Variants in SLC22A3 observed in about 807,000 individuals in gnomAD.
SLC22A3 encodes the protein solute carrier family 22 member 3.
SLC22A3 carries 51 observed loss-of-function variants against 59.1 expected under a neutral mutation model. That is an observed-to-expected ratio of 0.86 (90% confidence interval 0.69 to 1.09). The LOEUF (loss-of-function observed/expected upper bound fraction) is 1.09, where lower values mean the gene tolerates loss of function less well. Ranked by LOEUF, SLC22A3 falls within the 50% of genes least tolerant of loss-of-function variation. The pLI is 0.00. For synonymous variants in SLC22A3, 325 were observed against 292.0 expected, an observed-to-expected ratio of 1.11 and a Z score of -1.15; for missense variants, 711 against 726.3, an observed-to-expected ratio of 0.98 and a Z score of 0.24.
At position 160,436,755 on chromosome 6, in the gene SLC22A3, A is replaced by G. The variant is rs115325990; in HGVS notation, c.976-25A>G. 10,872 of 1,483,850 alleles carry G rather than the reference A, an allele frequency of 7.3e-3. 77 individuals carry two copies. Among genetic ancestry groups the G allele is most frequent in the Middle Eastern group, 0.034 (180 of 5,228 alleles). The allele number at this position is 1,483,850 out of a possible 1,614,324, so 91.9% of individuals were successfully genotyped here. A position where few individuals can be genotyped will look rare whatever the true frequency, so the allele number is the denominator to read the frequency against. On this transcript the variant is annotated intron_variant, in intron 5 of 10. Coordinates refer to ENST00000275300, the MANE Select transcript of SLC22A3 (RefSeq NM_021977.4). ...GTTTTTTTTTTTTCTGTCTATTGCT[A>G]CTGAAATCTGCTTTTCTTATATAGA...
intron 5 of SLC22A3, among the ~76,000 whole-genome samples, chr6:160,434,924 G>A (rs1220896642): frequency 6.6e-6 from 1 of 152,244 alleles, no homozygotes; most frequent in Non-Finnish European, 1.5e-5. Flanking sequence ...CCAAGCTCTA[G>A]TGAGGCAGCT....
At chr6:160,398,572 ACTAAAGGAGTTTTTTT>A (rs1786621813) in intron 2 of SLC22A3, among the ~76,000 whole-genome samples, 1 of 152,212 alleles carries the variant, frequency 6.6e-6, no homozygotes, top group African/African-American at 2.4e-5. Context: ...TCCAAAAACC[ACTAAAGGAGTTTTTTT>A]CTATTATTTT....
intron 1 of SLC22A3, among the ~76,000 whole-genome samples, chr6:160,376,006 A>G (rs1336785605): frequency 1.3e-5 from 2 of 152,212 alleles, no homozygotes; most frequent in Admixed American, 1.3e-4. Flanking sequence ...ACTTAATGAG[A>G]TGTAGAGAAA....
intron 7 of SLC22A3, among the ~76,000 whole-genome samples, chr6:160,440,828 C>T (rs1222129564): frequency 2.0e-5 from 3 of 152,062 alleles, no homozygotes; most frequent in Admixed American, 2.0e-4. Flanking sequence ...AGTTGGGAGT[C>T]TTTCAGATTA....
intron 8 of SLC22A3, 130 bp from the exon 9 acceptor site, chr6:160,443,500 C>A: frequency 1.4e-6 from 1 of 691,710 alleles, no homozygotes; most frequent in South Asian, 1.6e-5. Context: ...TGAGAGTAGT[C>A]GTTTTCAAAG....
intron 1 of SLC22A3, among the ~76,000 whole-genome samples, chr6:160,395,080 C>T (rs183101689): frequency 1.7e-4 from 26 of 152,292 alleles, no homozygotes; most frequent in Admixed American, 2.6e-4. Context: ...GCCCAGATGC[C>T]TATCATAAAG....
chr6:160,403,003 C>G (rs930802509), intron 2 of SLC22A3, among the ~76,000 whole-genome samples: 15 of 150,646 alleles, frequency 1.0e-4, no homozygotes, highest in African/African-American at 3.7e-4. Flanking sequence ...GCATATTAAA[C>G]CCAAGGCAAG....
Position 160,348,955 on chromosome 6 carries a change from C to T in SLC22A3, c.429+107C>T, listed in dbSNP as rs937396494. ...GGCCGCCAGGGGAGGTCGGTGGAGA[C>T]GGGGACCGGTCGGCTACCTCTGGGG... On this transcript the variant is annotated intron_variant, in intron 1 of 10. Transcript: ENST00000275300. The T allele has an allele frequency of 4.6e-6, 7 of 1,526,750 alleles. No homozygotes were observed. The African/African-American group carries it at 6.9e-5, about 15-fold the overall frequency. 94.6% of individuals were successfully genotyped at this position (1,526,750 alleles called of 1,614,324 possible). A position where few individuals can be genotyped will look rare whatever the true frequency, so the allele number is the denominator to read the frequency against.
chr6:160,424,717 G>A (rs937352239), intron 5 of SLC22A3, among the ~76,000 whole-genome samples: 2 of 152,266 alleles, frequency 1.3e-5, no homozygotes, highest in Non-Finnish European at 2.9e-5. Context: ...TGAGTACCAC[G>A]GTTCCCAGTT....
intron 4 of SLC22A3, 106 bp downstream of exon 4, chr6:160,409,027 T>C (rs1763188568): frequency 9.7e-7 from 1 of 1,027,998 alleles, no homozygotes. Context: ...TTTTTTTTTT[T>C]TTTTTTATTA....
At chr6:160,422,938 C>T (rs898053284) in intron 5 of SLC22A3, among the ~76,000 whole-genome samples, 3 of 151,976 alleles carry the variant, frequency 2.0e-5, no homozygotes, top group Admixed American at 6.6e-5. Context: ...CCCAGTAACT[C>T]GTCATTTACA....
In SLC22A3 at chr6:160,447,736, T is replaced by A. The variant is rs767604503; in HGVS notation, c.1528T>A (p.Cys510Ser). ...LIIFGILASI[C>S]GGLVMLLPET... The stretch of plus-strand genomic sequence containing the variant: ...TTCCATAGGTATCCTGGCATCCATC[T>A]GTGGTGGCCTTGTGATGCTTTTGCC... Residue 510 changes from cysteine (C) to serine (S), a missense_variant, in exon 10 of 11, where the codon TGT (cysteine) becomes AGT (serine). Cys to Ser is a moderately radical substitution (Grantham distance 112). Coordinates refer to ENST00000275300, the MANE Select transcript of SLC22A3 (RefSeq NM_021977.4). The A allele has an allele frequency of 2.5e-6, 4 of 1,614,104 alleles. No homozygotes were observed. The East Asian group carries it at 8.9e-5, about 36-fold the overall frequency.
intron 10 of SLC22A3, among the ~76,000 whole-genome samples, chr6:160,450,701 T>A (rs967900903): frequency 4.6e-5 from 7 of 152,214 alleles, no homozygotes; most frequent in African/African-American, 1.4e-4. Context: ...ATTATAAAAG[T>A]ATTAATTTGG....
intron 2 of SLC22A3, among the ~76,000 whole-genome samples, chr6:160,406,638 C>T (rs10945670): frequency 0.46 from 70,622 of 152,054 alleles, 16,710 homozygotes; most frequent in East Asian, 0.56. Flanking sequence ...AGCCCAAGGT[C>T]TTATGACTGG....
At chr6:160,426,380 T>C in intron 5 of SLC22A3, 1 of 981,872 alleles carries the variant, frequency 1.0e-6, no homozygotes, top group Non-Finnish European at 1.2e-6. Context: ...TAAGACTCTG[T>C]GCATGGCTCA....
At chr6:160,419,220 G>A (rs7758229) in intron 5 of SLC22A3, among the ~76,000 whole-genome samples, 14 of 152,072 alleles carry the variant, frequency 9.2e-5, no homozygotes, top group Admixed American at 5.9e-4. Flanking sequence ...AATAGCTACC[G>A]TCTTTTCTAT....
chr6:160,438,300 T>C (rs911505639), intron 7 of SLC22A3, among the ~76,000 whole-genome samples: 4 of 152,068 alleles, frequency 2.6e-5, no homozygotes, highest in Non-Finnish European at 4.4e-5. Context: ...TCCCAGGGGA[T>C]GTGTGAAGTA....
At chr6:160,410,951 G>A in intron 5 of SLC22A3, 105 bp downstream of exon 5, 1 of 597,186 alleles carries the variant, frequency 1.7e-6, no homozygotes. Context: ...TACAAAATAT[G>A]CATATTATAT....
Position 160,348,857 on chromosome 6 carries a change from GC to G in SLC22A3, c.429+13del. The G allele has an allele frequency of 6.3e-7, 1 of 1,575,084 alleles. No homozygotes were observed. Among genetic ancestry groups the G allele is most frequent in the Non-Finnish European group, 8.6e-7 (1 of 1,168,878 alleles). ...CCACCATCGTCAGCGAGGTAAGGGC[GC>G]CCCGGCCCTTTGGAAGCCGGCGGGA... On this transcript the variant is annotated intron_variant, in intron 1 of 10. Coordinates refer to ENST00000275300, the MANE Select transcript of SLC22A3 (RefSeq NM_021977.4).
Sources: gnomAD v4.1 joint callset for allele counts (sites outside exome capture counted in the v4.1 genomes callset) on GRCh38, gnomAD v4.1.1 for gene constraint, MANE v1.5 for transcripts, NCBI Gene and HGNC (gene_info 2026-07-23, HGNC 2026-07-21) for gene names.